MYO3B: variants seen among roughly 807,000 people sequenced by gnomAD.
The protein encoded by MYO3B is myosin IIIB, also known as myosin-IIIb.
In MYO3B, 156 loss-of-function variants were observed where a neutral mutation model predicts 174.6. The ratio of observed to expected loss-of-function variants is 0.89; its 90% confidence interval spans 0.78 to 1.02. The LOEUF (loss-of-function observed/expected upper bound fraction) is 1.02. Among genes scored for constraint, MYO3B ranks in the 50% least tolerant of loss-of-function variants. The probability of loss-of-function intolerance (pLI) is 0.00; values close to 1 mark genes in which losing one functional copy is unlikely to be tolerated. For missense variants in MYO3B, 1,632 were observed against 1,639.4 expected (o/e 1.00, Z 0.08); for synonymous variants, 563 against 569.1 (o/e 0.99, Z 0.15).
intron 25 of MYO3B, among the ~76,000 whole-genome samples, chr2:170,467,894 G>A (rs576596703): frequency 2.1e-5 from 3 of 145,772 alleles, no homozygotes; most frequent in Non-Finnish European, 3.0e-5. Context: ...TTTTTTAAGT[G>A]TCTTTGAGCT....
At chr2:170,310,514 A>G (rs2093731347) in intron 7 of MYO3B, among the ~76,000 whole-genome samples, 1 of 152,022 alleles carries the variant, frequency 6.6e-6, no homozygotes, top group Non-Finnish European at 1.5e-5. Context: ...AATACAAAAA[A>G]TTAGCTGGGC....
At chr2:170,319,837 T>G (rs534357381) in intron 7 of MYO3B, among the ~76,000 whole-genome samples, 1 of 152,150 alleles carries the variant, frequency 6.6e-6, no homozygotes, top group East Asian at 1.9e-4. Context: ...TAACTTTTCA[T>G]CTGAAAAGTA....
At chr2:170,554,429 G>T (rs1176821686) in intron 32 of MYO3B, among the ~76,000 whole-genome samples, 1 of 152,184 alleles carries the variant, frequency 6.6e-6, no homozygotes, top group African/African-American at 2.4e-5. Flanking sequence ...GACTCTATTG[G>T]AGGAGCTGAG....
intron 30 of MYO3B, among the ~76,000 whole-genome samples, chr2:170,529,618 A>G (rs373542043): frequency 7.0e-4 from 107 of 152,278 alleles, no homozygotes; most frequent in African/African-American, 2.4e-3. Flanking sequence ...AATTCAGCAC[A>G]TTGCTGGTAC....
intron 32 of MYO3B, among the ~76,000 whole-genome samples, chr2:170,644,150 T>G (rs145790615): frequency 6.6e-6 from 1 of 152,210 alleles, no homozygotes; most frequent in East Asian, 1.9e-4. Context: ...ATTTAACAAA[T>G]AGAAATGCAG....
intron 32 of MYO3B, among the ~76,000 whole-genome samples, chr2:170,646,518 C>T (rs12105242): frequency 0.08 from 12,198 of 151,780 alleles, 1,565 homozygotes; most frequent in African/African-American, 0.27. Flanking sequence ...TCTCAGCCTC[C>T]GGAGTAGTTG....
intron 32 of MYO3B, among the ~76,000 whole-genome samples, chr2:170,558,101 A>T (rs1318227297): frequency 6.6e-6 from 1 of 152,188 alleles, no homozygotes; most frequent in Non-Finnish European, 1.5e-5. Flanking sequence ...GGAGATCAAG[A>T]CCATCCTGGC....
At chr2:170,289,969 A>G (rs911930320) in intron 7 of MYO3B, among the ~76,000 whole-genome samples, 3 of 152,022 alleles carry the variant, frequency 2.0e-5, no homozygotes, top group Admixed American at 6.6e-5. Context: ...TCATTCAGGA[A>G]CACATTGTTT....
At chr2:170,593,890 CTA>C (rs1341981064) in intron 32 of MYO3B, among the ~76,000 whole-genome samples, 4 of 152,096 alleles carry the variant, frequency 2.6e-5, no homozygotes, top group African/African-American at 7.2e-5. Context: ...CCTAGAGAAT[CTA>C]TGTTATTTCT....
intron 32 of MYO3B, among the ~76,000 whole-genome samples, chr2:170,624,524 G>C (rs1696231667): frequency 6.6e-6 from 1 of 152,168 alleles, no homozygotes; most frequent in South Asian, 2.1e-4. Context: ...GGGACGATTT[G>C]ACTTCCTCTT....
chr2:170,369,842 G>C (rs115694797), intron 9 of MYO3B, among the ~76,000 whole-genome samples: 26 of 152,268 alleles, frequency 1.7e-4, no homozygotes, highest in African/African-American at 6.3e-4. Flanking sequence ...ACCGAAGGCT[G>C]TTTCTCTAAT....
intron 7 of MYO3B, among the ~76,000 whole-genome samples, chr2:170,255,906 A>G (rs2105340004): frequency 6.6e-6 from 1 of 152,354 alleles, no homozygotes; most frequent in Non-Finnish European, 1.5e-5. Context: ...CCAGTTGTTG[A>G]TACAAGAGTT....
intron 32 of MYO3B, among the ~76,000 whole-genome samples, chr2:170,630,695 C>G (rs1382042945): frequency 1.3e-5 from 2 of 152,212 alleles, no homozygotes; most frequent in Non-Finnish European, 1.5e-5. Flanking sequence ...TGAGACGAAG[C>G]TTCAGAGGAA....
intron 7 of MYO3B, among the ~76,000 whole-genome samples, chr2:170,250,461 G>T (rs1193441233): frequency 6.6e-6 from 1 of 152,158 alleles, no homozygotes; most frequent in Non-Finnish European, 1.5e-5. Flanking sequence ...CGTGACAGGG[G>T]TGTGGCTTTT....
At position 170,514,992 on chromosome 2, in the gene MYO3B, C is replaced by G; in HGVS notation, c.3442C>G (p.Gln1148Glu). The change falls in exon 29 of 35, where the codon CAA becomes GAA. Residue 1148 changes from glutamine to glutamate, a missense_variant. Transcript: ENST00000408978. Reference protein sequence around the residue: ...AAGTRGSAEVQDCSEPGDHKV... With the variant: ...AAGTRGSAEVEDCSEPGDHKV... Reference sequence around the variant, plus strand: ...AGGTACGAGGGGAAGTGCCGAGGTTCAAGACTGCAGCGAGCCTGGTGACCA... The same window carrying G: ...AGGTACGAGGGGAAGTGCCGAGGTTGAAGACTGCAGCGAGCCTGGTGACCA... 6.2e-7 allele frequency: 1 copy of G among 1,614,028 alleles called. No homozygotes were observed. Among genetic ancestry groups the G allele is most frequent in the South Asian group, 1.1e-5 (1 of 91,052 alleles).
intron 10 of MYO3B, 85 bp downstream of exon 10, chr2:170,382,197 C>T: frequency 1.8e-6 from 2 of 1,091,542 alleles, no homozygotes; most frequent in South Asian, 2.8e-5. Context: ...ACCATGTCCT[C>T]CTAAGGTCAT....
intron 14 of MYO3B, among the ~76,000 whole-genome samples, chr2:170,391,231 C>T (rs373468569): frequency 3.9e-5 from 6 of 152,128 alleles, no homozygotes; most frequent in African/African-American, 1.2e-4. Context: ...AGGTAGTAGG[C>T]GTTTGGGCTG....
At chr2:170,318,141 T>C (rs2093788783) in intron 7 of MYO3B, among the ~76,000 whole-genome samples, 1 of 152,208 alleles carries the variant, frequency 6.6e-6, no homozygotes. Flanking sequence ...CAGTGCTTTG[T>C]AAAATATAAA....
At chr2:170,466,952 A>C (rs1449402693) in intron 25 of MYO3B, among the ~76,000 whole-genome samples, 1 of 152,174 alleles carries the variant, frequency 6.6e-6, no homozygotes, top group African/African-American at 2.4e-5. Context: ...ATACGTTTAT[A>C]TGTTATAAAT....
Sources: allele counts gnomAD v4.1 joint callset (sites outside exome capture counted in the v4.1 genomes callset), GRCh38; gene constraint gnomAD v4.1.1; transcripts MANE v1.5; gene names NCBI Gene and HGNC (gene_info 2026-07-23, HGNC 2026-07-21).